LRRC2: variants seen among roughly 807,000 people sequenced by gnomAD.
LRRC2 encodes leucine rich repeat containing 2.
A neutral mutation model predicts 40.2 loss-of-function variants in LRRC2; 27 were observed. The ratio of observed to expected loss-of-function variants is 0.67; its 90% CI spans 0.49 to 0.93. The LOEUF (loss-of-function observed/expected upper bound fraction) is 0.93, where lower values mean the gene tolerates loss of function less well. Among genes scored for constraint, LRRC2 ranks in the 40% least tolerant of loss-of-function variants. The pLI, the probability that LRRC2 is intolerant of heterozygous loss-of-function variation, is 0.00. For missense variants in LRRC2, 402 were observed against 439.6 expected (o/e 0.91, Z 0.76); for synonymous variants, 147 against 158.9 (o/e 0.92, Z 0.56).
chr3:46,546,576 T>C (rs906733294), intron 2 of LRRC2, among the ~76,000 whole-genome samples: 8 of 152,312 alleles, frequency 5.3e-5, no homozygotes, highest in African/African-American at 1.9e-4. Flanking sequence ...TTGACTAAGC[T>C]ATTTTATAAC....
chr3:46,525,192 G>A (rs1704036259), intron 7 of LRRC2, among the ~76,000 whole-genome samples: 1 of 147,066 alleles, frequency 6.8e-6, no homozygotes, highest in Admixed American at 6.9e-5. Context: ...AAGCTCAAGC[G>A]ACCCTTGCAC....
chr3:46,564,253 G>C (rs571828975), intron 1 of LRRC2, among the ~76,000 whole-genome samples: 1 of 148,528 alleles, frequency 6.7e-6, no homozygotes, highest in East Asian at 1.9e-4. Flanking sequence ...AGGTTTGGCT[G>C]AATAACTTTC....
intron 2 of LRRC2, among the ~76,000 whole-genome samples, chr3:46,546,476 G>C (rs1380788047): frequency 6.6e-6 from 1 of 152,216 alleles, no homozygotes. Flanking sequence ...TTCAGATTTT[G>C]AAAGAAGCAA....
intron 1 of LRRC2, among the ~76,000 whole-genome samples, chr3:46,564,942 TCA>T (rs1351221602): frequency 6.6e-6 from 1 of 152,210 alleles, no homozygotes; most frequent in African/African-American, 2.4e-5. Context: ...CTTTGGTGAC[TCA>T]CAAATTCCAT....
chr3:46,542,860 A>T (rs960299117), intron 3 of LRRC2, among the ~76,000 whole-genome samples: 1 of 152,228 alleles, frequency 6.6e-6, no homozygotes, highest in Non-Finnish European at 1.5e-5. Context: ...AGCCTCAGCC[A>T]GCCCTAAGGG....
Position 46,518,939 on chromosome 3 carries a change from CTA to C in LRRC2, c.*73_*74del. 9.8e-7 allele frequency: 1 copy of C among 1,019,880 alleles called. No individual in the cohort carries two copies. The highest frequency in any genetic ancestry group is 2.2e-4 in the Middle Eastern group (1 of 4,632). 63.2% of individuals were successfully genotyped at this position (1,019,880 alleles called of 1,614,324 possible). ...TGTCCTTAAGCACAAGCCATTCTTCCTATATGACATGATCATAACAAAGATTT... is the reference window on the plus strand; with the variant it reads ...TGTCCTTAAGCACAAGCCATTCTTCCTATGACATGATCATAACAAAGATTT... On this transcript the variant is annotated 3_prime_UTR_variant, in exon 9 of 9. Transcript: ENST00000395905.
intron 4 of LRRC2, among the ~76,000 whole-genome samples, chr3:46,533,955 G>T (rs1704218631): frequency 6.8e-6 from 1 of 146,932 alleles, no homozygotes; most frequent in African/African-American, 2.5e-5. Flanking sequence ...TACATGTGCA[G>T]AACATGCAGG....
chr3:46,541,904 A>C (rs1704403296), intron 3 of LRRC2, among the ~76,000 whole-genome samples: 1 of 152,146 alleles, frequency 6.6e-6, no homozygotes, highest in Non-Finnish European at 1.5e-5. Flanking sequence ...TCAGATGATG[A>C]GTGATGAATG....
Position 46,527,207 on chromosome 3 carries a change from T to C in LRRC2, c.929+219A>G, listed in dbSNP as rs143924304. ...CGCAACACCATCAACCAGCATGCATTTGTGCAGAAATCCTCTGAACCCTAT... is the reference window on the plus strand; with the variant it reads ...CGCAACACCATCAACCAGCATGCATCTGTGCAGAAATCCTCTGAACCCTAT... On this transcript the variant is annotated intron_variant, in intron 7 of 8. Transcript: ENST00000395905. Among the ~76,000 whole-genome samples the C allele has an allele frequency of 1.8e-4, 27 of 152,300 alleles. No homozygotes were observed. The East Asian group carries it at 4.8e-3, about 27-fold the overall frequency.
At chr3:46,520,727 C>T (rs1273519660) in intron 8 of LRRC2, among the ~76,000 whole-genome samples, 2 of 152,194 alleles carry the variant, frequency 1.3e-5, no homozygotes, top group African/African-American at 4.8e-5. Flanking sequence ...CGCTTCCTCC[C>T]TAAATCCACT....
intron 2 of LRRC2, 33 bp downstream of exon 2, chr3:46,551,434 C>G: frequency 6.3e-7 from 1 of 1,599,632 alleles, no homozygotes; most frequent in Non-Finnish European, 8.5e-7. Flanking sequence ...ATTCACCAAA[C>G]AAGCTACAAG....
chr3:46,534,859 G>C (rs997491342), intron 4 of LRRC2, among the ~76,000 whole-genome samples: 1 of 152,044 alleles, frequency 6.6e-6, no homozygotes. Flanking sequence ...ACAAAATTCA[G>C]CTGCTCAACA....
intron 1 of LRRC2, among the ~76,000 whole-genome samples, chr3:46,564,045 C>T (rs765458882): frequency 6.6e-6 from 1 of 152,136 alleles, no homozygotes; most frequent in Non-Finnish European, 1.5e-5. Flanking sequence ...TCATTAAATG[C>T]AGAAAGACAG....
Position 46,551,466 on chromosome 3 carries a change from C to A in LRRC2, c.125+1G>T, listed in dbSNP as rs1311897669. ...CAAGACTAGGTTGAGAAAACACGTA[C>A]TTCTCCAAGGCGCTCTTCTCAAGCC... is the stretch of plus-strand genomic sequence containing the variant. On this transcript the variant is annotated splice_donor_variant, in intron 2 of 8. Transcript: ENST00000395905. LOFTEE classifies it high-confidence loss of function. 6.2e-7 allele frequency: 1 copy of A among 1,612,108 alleles called. No individual in the cohort carries two copies. Among genetic ancestry groups the A allele is most frequent in the Non-Finnish European group, 8.5e-7 (1 of 1,179,388 alleles).
Position 46,538,222 on chromosome 3 carries a change from G to A in LRRC2, c.490+823C>T, listed in dbSNP as rs188709369. On this transcript the variant is annotated intron_variant, in intron 4 of 8. Transcript: ENST00000395905. The stretch of plus-strand genomic sequence containing the variant: ...ATGTGTAAGAATGGAGCTCCATGCA[G>A]CTCCAGACCTTCACTCCTTGCACCC... Among the ~76,000 whole-genome samples the A allele has an allele frequency of 4.2e-3, 640 of 152,326 alleles. 1 individual carries two copies. The highest frequency in any genetic ancestry group is 6.7e-3 in the Non-Finnish European group (459 of 68,030).
chr3:46,532,771 A>G lies in LRRC2; in HGVS notation c.627+2T>C. The G allele has an allele frequency of 6.2e-7, 1 of 1,612,070 alleles. No homozygotes were observed. Among genetic ancestry groups the G allele is most frequent in the Non-Finnish European group, 8.5e-7 (1 of 1,179,264 alleles). Reference sequence around the variant, plus strand: ...CGTAGTACAGAAATGTTTATCTCTTACTTCAAAGGGCAGCTCCATTAATTC... The same window carrying G: ...CGTAGTACAGAAATGTTTATCTCTTGCTTCAAAGGGCAGCTCCATTAATTC... On this transcript the variant is annotated splice_donor_variant, in intron 5 of 8. Transcript: ENST00000395905. LOFTEE classifies it high-confidence loss of function.
chr3:46,550,183 G>A lies in LRRC2; in HGVS notation c.125+1284C>T, dbSNP rs556242626. 4.6e-5 allele frequency among the ~76,000 whole-genome samples: 7 copies of A among 152,224 alleles called. No individual in the cohort carries two copies. In the South Asian group the frequency reaches 1.2e-3, roughly 27 times the overall value. On this transcript the variant is annotated intron_variant, in intron 2 of 8. Transcript: ENST00000395905. ...GCCACATCTTCCACTTACCATCTGT[G>A]TGAACTTGAGCAACTTACCTAAGTC...
intron 2 of LRRC2, among the ~76,000 whole-genome samples, chr3:46,550,745 T>C (rs1379421614): frequency 6.6e-6 from 1 of 152,174 alleles, no homozygotes; most frequent in Non-Finnish European, 1.5e-5. Flanking sequence ...ATTGGCCAAC[T>C]TGATGTAGGG....
chr3:46,558,683 C>T (rs1704869232), intron 1 of LRRC2: 1 of 152,200 alleles, frequency 6.6e-6, no homozygotes, highest in African/African-American at 2.4e-5. Flanking sequence ...TTTTTCGGGC[C>T]TCTGGCCAAA....
Sources: allele counts gnomAD v4.1 joint callset (sites outside exome capture counted in the v4.1 genomes callset), GRCh38; gene constraint gnomAD v4.1.1; transcripts MANE v1.5; gene names NCBI Gene and HGNC (gene_info 2026-07-23, HGNC 2026-07-21).